The following KIAA1671 variants were observed in gnomAD, a reference collection of about 807,000 sequenced individuals.
KIAA1671 encodes KIAA1671.
KIAA1671 carries 52 observed loss-of-function variants against 131.2 expected under a neutral mutation model. The observed-to-expected ratio is 0.40, with a 90% CI of 0.32 to 0.50. The LOEUF is 0.50. KIAA1671 is among the 20% of genes least tolerant of loss of function. The probability of loss-of-function intolerance (pLI) is 0.73; values close to 1 mark genes in which losing one functional copy is unlikely to be tolerated. For missense variants in KIAA1671, 2,360 were observed against 2,364.2 expected, an observed-to-expected ratio of 1.00 and a Z score of 0.04; for synonymous variants, 1,003 against 961.6, an observed-to-expected ratio of 1.04 and a Z score of -0.80.
intron 6 of KIAA1671, among the ~76,000 whole-genome samples, chr22:25,085,515 C>T (rs374566787): frequency 1.3e-5 from 2 of 151,700 alleles, no homozygotes; most frequent in Admixed American, 1.3e-4. Flanking sequence ...CACCTCCCCC[C>T]CCATAACCCC....
chr22:25,094,831 T>C (rs1196322356), intron 6 of KIAA1671, among the ~76,000 whole-genome samples: 2 of 152,174 alleles, frequency 1.3e-5, no homozygotes, highest in Non-Finnish European at 2.9e-5. Context: ...TGGGTGGATC[T>C]GGGAGCATCA....
At chr22:25,029,741 G>C (rs951253527) in intron 3 of KIAA1671, among the ~76,000 whole-genome samples, 3 of 152,256 alleles carry the variant, frequency 2.0e-5, no homozygotes, top group Non-Finnish European at 4.4e-5. Context: ...GGTATGGCCA[G>C]CCGGGGGGCC....
chr22:25,089,266 ATTTTTTT>A (rs34941122), intron 6 of KIAA1671, among the ~76,000 whole-genome samples: 34 of 89,272 alleles, frequency 3.8e-4, no homozygotes, highest in South Asian at 7.5e-4. Context: ...TGTGTGTTTA[ATTTTTTT>A]TTTTTTTTTT....
chr22:25,130,142 GA>G (rs1228381326), intron 6 of KIAA1671, among the ~76,000 whole-genome samples: 1 of 152,110 alleles, frequency 6.6e-6, no homozygotes, highest in African/African-American at 2.4e-5. Flanking sequence ...TATCTTATAA[GA>G]ATATTATAAA....
chr22:25,150,600 C>T (rs547316610), intron 6 of KIAA1671, among the ~76,000 whole-genome samples: 4 of 152,142 alleles, frequency 2.6e-5, no homozygotes, highest in Admixed American at 6.5e-5. Flanking sequence ...CTCTACCTCT[C>T]GCTCTTCCCT....
chr22:24,986,501 T>A (rs1443150379), intron 1 of KIAA1671, among the ~76,000 whole-genome samples: 2 of 152,130 alleles, frequency 1.3e-5, no homozygotes, highest in Non-Finnish European at 2.9e-5. Flanking sequence ...AAAAACTCTG[T>A]ACCTGTTCAA....
At chr22:24,979,644 C>T (rs140516102) in intron 1 of KIAA1671, among the ~76,000 whole-genome samples, 1,652 of 152,224 alleles carry the variant, frequency 0.011, 28 homozygotes, top group African/African-American at 0.037. Context: ...CCACCGCGCC[C>T]GGCCAATAAT....
chr22:25,098,396 A>G lies in KIAA1671; in HGVS notation c.4530+49032A>G, dbSNP rs1930492491. On this transcript the variant is annotated intron_variant, in intron 6 of 12. Coordinates refer to ENST00000358431, the MANE Select transcript of KIAA1671 (RefSeq NM_001145206.2). ...TCCAGTGTGCCAGGGACAGGGGGCAATAGCAGAGACTAAGACATAGAAGAT... is the reference window on the plus strand; with the variant it reads ...TCCAGTGTGCCAGGGACAGGGGGCAGTAGCAGAGACTAAGACATAGAAGAT... Among the ~76,000 whole-genome samples, 3 of 152,290 alleles carry G rather than the reference A, an allele frequency of 2.0e-5. No homozygotes were observed. In the South Asian group the frequency reaches 6.2e-4, roughly 32 times the overall value.
At position 25,093,780 on chromosome 22, in the gene KIAA1671, C is replaced by CTCTCTCTG. The variant is rs1568951236; in HGVS notation, c.4530+44423_4530+44424insGTCTCTCT. Among the ~76,000 whole-genome samples, 15 of 106,024 alleles carry CTCTCTCTG rather than the reference C, an allele frequency of 1.4e-4. 1 individual carries two copies. The highest frequency in any genetic ancestry group is 5.3e-4 in the African/African-American group (14 of 26,354). 69.6% of individuals were successfully genotyped at this position (106,024 alleles called of 152,430 possible). A position where few individuals can be genotyped will look rare whatever the true frequency, so the allele number is the denominator to read the frequency against. ...TCTCTCTCTCTCTGTCTCTCTCTCT[C>CTCTCTCTG]TCTCTCTCTCTCTCTCTCTCTCTCT... On this transcript the variant is annotated intron_variant, in intron 6 of 12. Transcript: ENST00000358431.
chr22:25,070,955 T>C (rs1928787059), intron 6 of KIAA1671, among the ~76,000 whole-genome samples: 1 of 152,226 alleles, frequency 6.6e-6, no homozygotes, highest in Non-Finnish European at 1.5e-5. Context: ...GAACATTTTC[T>C]GATGAAATGC....
At chr22:25,151,982 G>A (rs73162208) in intron 6 of KIAA1671, among the ~76,000 whole-genome samples, 16,711 of 152,072 alleles carry the variant, frequency 0.11, 980 homozygotes, top group South Asian at 0.15. Context: ...TAAGTGATCC[G>A]CCCGCCTAAG....
At chr22:25,156,852 C>T (rs2145987338) in intron 6 of KIAA1671, among the ~76,000 whole-genome samples, 1 of 152,200 alleles carries the variant, frequency 6.6e-6, no homozygotes, top group Middle Eastern at 3.4e-3. Flanking sequence ...AGAGAGAGAC[C>T]AGGCCTTGGG....
In KIAA1671 at chr22:25,112,141, CCTAA is replaced by C. The variant is rs1931395009; in HGVS notation, c.4531-58676_4531-58673del. 2.0e-5 allele frequency: 8 copies of C among 398,676 alleles called. No individual in the cohort carries two copies. The Admixed American group carries it at 3.5e-4, about 18-fold the overall frequency. 24.7% of individuals were successfully genotyped at this position (398,676 alleles called of 1,614,324 possible). ...TGGCGTTTTAATTGCTCTCTCCCTC[CCTAA>C]CTTCCTTCTTCCCTCTCCTCCTGGC... On this transcript the variant is annotated intron_variant, in intron 6 of 12. Transcript: ENST00000358431.
At chr22:25,098,057 G>T (rs1292470589) in intron 6 of KIAA1671, among the ~76,000 whole-genome samples, 2 of 152,134 alleles carry the variant, frequency 1.3e-5, no homozygotes, top group African/African-American at 4.8e-5. Context: ...TTGCCCCCAG[G>T]TCCCCTTGGC....
intron 6 of KIAA1671, among the ~76,000 whole-genome samples, chr22:25,107,581 C>T (rs1260649105): frequency 1.4e-5 from 2 of 144,184 alleles, no homozygotes; most frequent in African/African-American, 5.2e-5. Context: ...CTGAAGCAAT[C>T]CTTCTACCTT....
chr22:25,061,852 A>C (rs938490815), intron 6 of KIAA1671: 4 of 152,346 alleles, frequency 2.6e-5, no homozygotes, highest in African/African-American at 9.7e-5. Flanking sequence ...GGCCCTGCGC[A>C]TGCCCAGGCA....
rs199817685 is a variant in KIAA1671 at position 25,028,014 on chromosome 22, C to T, written c.15C>T (p.Val5=). 8.8e-5 allele frequency: 131 copies of T among 1,494,888 alleles called. 1 individual carries two copies. The highest frequency in any genetic ancestry group is 2.3e-4 in the African/African-American group (16 of 71,058). 92.6% of individuals were successfully genotyped at this position (1,494,888 alleles called of 1,614,324 possible). MATR[V]EVGSITPLTA... ...CAACCATAACCATGGCCACGCGGGT[C>T]GAGGTGGGCTCCATAACGCCCTTGA... Residue 5 remains valine, a synonymous_variant, in exon 3 of 13, where the codon GTC becomes GTT. Coordinates refer to ENST00000358431, the MANE Select transcript of KIAA1671 (RefSeq NM_001145206.2).
At chr22:25,111,645 C>A (rs967550099) in intron 6 of KIAA1671, among the ~76,000 whole-genome samples, 3 of 152,188 alleles carry the variant, frequency 2.0e-5, no homozygotes, top group Non-Finnish European at 4.4e-5. Context: ...CGAGGGCAGC[C>A]GGGCAGGGGG....
chr22:24,975,566 C>T (rs942134754), intron 1 of KIAA1671, among the ~76,000 whole-genome samples: 3 of 152,070 alleles, frequency 2.0e-5, no homozygotes, highest in African/African-American at 7.2e-5. Context: ...CAGCTGTGAG[C>T]CACTGCGCCT....
Sources: allele counts gnomAD v4.1 joint callset (sites outside exome capture counted in the v4.1 genomes callset), GRCh38; gene constraint gnomAD v4.1.1; transcripts MANE v1.5; gene names NCBI Gene and HGNC (gene_info 2026-07-23, HGNC 2026-07-21).